Variants in SEMA3D observed in about 807,000 individuals in gnomAD.
SEMA3D encodes semaphorin-3D.
In SEMA3D, 84 loss-of-function variants were observed where a neutral mutation model predicts 100.1. The observed-to-expected ratio is 0.84, with a 90% CI of 0.70 to 1.01. The LOEUF (loss-of-function observed/expected upper bound fraction) is 1.01. Ranked by LOEUF, SEMA3D falls within the 50% of genes least tolerant of loss-of-function variation. SEMA3D has a pLI of 0.00. For missense variants in SEMA3D, 875 were observed against 934.1 expected, an observed-to-expected ratio of 0.94 and a Z score of 0.82; for synonymous variants, 312 against 320.7, an observed-to-expected ratio of 0.97 and a Z score of 0.29.
chr7:85,148,948 T>C (rs1489654887), intron 2 of SEMA3D, among the ~76,000 whole-genome samples: 1 of 152,076 alleles, frequency 6.6e-6, no homozygotes, highest in Non-Finnish European at 1.5e-5. Context: ...TAAATTTTTT[T>C]AGAACTTTAG....
At chr7:85,110,013 T>C (rs372277117) in intron 3 of SEMA3D, among the ~76,000 whole-genome samples, 1 of 151,974 alleles carries the variant, frequency 6.6e-6, no homozygotes, top group African/African-American at 2.4e-5. Context: ...TATTTCCACA[T>C]TTATGCAAAA....
At chr7:85,049,407 C>T (rs1218451627) in intron 9 of SEMA3D, among the ~76,000 whole-genome samples, 1 of 151,584 alleles carries the variant, frequency 6.6e-6, no homozygotes, top group South Asian at 2.1e-4. Context: ...TGGTGTAATA[C>T]ACTATCCTGA....
At chr7:85,016,770 G>A (rs1019797522) in intron 15 of SEMA3D, among the ~76,000 whole-genome samples, 3 of 141,924 alleles carry the variant, frequency 2.1e-5, no homozygotes, top group Non-Finnish European at 3.1e-5. Flanking sequence ...TTGTTTGTTT[G>A]TTTTCCTTTT....
At chr7:85,029,677 C>T (rs114040862) in intron 12 of SEMA3D, 1 of 379,818 alleles carries the variant, frequency 2.6e-6, no homozygotes, top group South Asian at 2.2e-5. Context: ...CAGGGCCCAC[C>T]ACTGAAGAGG....
In SEMA3D at chr7:85,082,290, C is replaced by A. The variant is rs577130162; in HGVS notation, c.313-711G>T. ...GGGGGGTCTCAACCATTACATAAGTCAAGGGCTCCAAACTCATTGGTTGAT... is the reference window on the plus strand; with the variant it reads ...GGGGGGTCTCAACCATTACATAAGTAAAGGGCTCCAAACTCATTGGTTGAT... On this transcript the variant is annotated intron_variant, in intron 4 of 18. Coordinates refer to ENST00000284136, the MANE Select transcript of SEMA3D (RefSeq NM_001384900.1). Among the ~76,000 whole-genome samples the A allele has an allele frequency of 2.0e-5, 3 of 152,306 alleles. No individual in the cohort carries two copies. The South Asian group carries it at 6.2e-4, about 32-fold the overall frequency.
At chr7:85,094,127 AAGAG>A (rs1230924407) in intron 4 of SEMA3D, among the ~76,000 whole-genome samples, 1 of 152,000 alleles carries the variant, frequency 6.6e-6, no homozygotes, top group South Asian at 2.1e-4. Context: ...GTAAAGGAGA[AAGAG>A]AGGGTGGGGA....
intron 12 of SEMA3D, among the ~76,000 whole-genome samples, chr7:85,033,858 T>TACACACACACACACACACATACACACAC (rs1790614726): frequency 9.2e-5 from 13 of 141,092 alleles, no homozygotes; most frequent in African/African-American, 3.4e-4. Context: ...ATCACACACA[T>TACACACACACACACACACATACACACAC]ACACACACAC....
intron 12 of SEMA3D, among the ~76,000 whole-genome samples, chr7:85,027,151 G>A (rs568608296): frequency 2.6e-5 from 4 of 152,096 alleles, no homozygotes; most frequent in East Asian, 1.9e-4. Context: ...TTCTACAACC[G>A]AACGGTATGC....
At chr7:85,049,793 G>T (rs73179840) in intron 9 of SEMA3D, among the ~76,000 whole-genome samples, 1 of 151,848 alleles carries the variant, frequency 6.6e-6, no homozygotes, top group Non-Finnish European at 1.5e-5. Context: ...TTGAAGCAAA[G>T]GGCTATTAAT....
At chr7:85,127,934 A>C (rs1156932647) in intron 2 of SEMA3D, among the ~76,000 whole-genome samples, 2 of 152,086 alleles carry the variant, frequency 1.3e-5, no homozygotes, top group African/African-American at 2.4e-5. Context: ...CATTTTGTCA[A>C]CTTTTAATGT....
At chr7:85,236,335 T>C in the SEMA3D span, among the ~76,000 whole-genome samples, 2 of 149,672 alleles carry the variant, frequency 1.3e-5, no homozygotes, top group Non-Finnish European at 2.9e-5. Flanking sequence ...AGAGATGGGG[T>C]CTTGCTCTGT....
the SEMA3D span, among the ~76,000 whole-genome samples, chr7:85,223,668 A>T: frequency 6.6e-6 from 1 of 152,104 alleles, no homozygotes; most frequent in Non-Finnish European, 1.5e-5. Context: ...TCATAACTGG[A>T]AAACCAAACA....
chr7:85,200,634 T>C, the SEMA3D span, among the ~76,000 whole-genome samples: 2 of 152,094 alleles, frequency 1.3e-5, no homozygotes, highest in Admixed American at 6.5e-5. Flanking sequence ...GAAAAGAAAA[T>C]CCAATTTTCT....
At chr7:85,071,525 C>T (rs143128860) in intron 6 of SEMA3D, among the ~76,000 whole-genome samples, 16 of 152,312 alleles carry the variant, frequency 1.1e-4, no homozygotes, top group African/African-American at 3.4e-4. Flanking sequence ...AAAGTACAGT[C>T]ATGCATCACT....
At chr7:85,235,290 G>A in the SEMA3D span, among the ~76,000 whole-genome samples, 949 of 152,110 alleles carry the variant, frequency 6.2e-3, 12 homozygotes, top group African/African-American at 0.022. Context: ...AACAATTCTT[G>A]TCTAACAGAA....
Position 85,046,087 on chromosome 7 carries a change from AC to A in SEMA3D, c.862-3803del, listed in dbSNP as rs1427063032. Among the ~76,000 whole-genome samples the A allele has an allele frequency of 2.6e-5, 4 of 152,122 alleles. No homozygotes were observed. The East Asian group carries it at 7.7e-4, about 29-fold the overall frequency. ...AATGCCAGAGACTAAAGTTTGTCTT[AC>A]CCATCACAGAATATATGCTGAAATT... On this transcript the variant is annotated intron_variant, in intron 9 of 18. Coordinates refer to ENST00000284136, the MANE Select transcript of SEMA3D (RefSeq NM_001384900.1).
At chr7:85,191,568 A>G (rs904214870), upstream of SEMA3D, among the ~76,000 whole-genome samples, 7 of 152,252 alleles carry the variant, frequency 4.6e-5, no homozygotes, top group African/African-American at 1.7e-4. Context: ...ATAAAGAAAA[A>G]TATGCCCTCT....
chr7:85,043,500 C>T (rs528310206), intron 9 of SEMA3D, among the ~76,000 whole-genome samples: 90 of 152,186 alleles, frequency 5.9e-4, no homozygotes, highest in African/African-American at 2.0e-3. Flanking sequence ...ATCAATTACA[C>T]GATAAACAGA....
At chr7:85,103,274 A>G (rs1363189070) in intron 3 of SEMA3D, among the ~76,000 whole-genome samples, 2 of 152,060 alleles carry the variant, frequency 1.3e-5, no homozygotes, top group African/African-American at 2.4e-5. Context: ...GATTTCATAA[A>G]TCAGAAATGG....
Sources: gnomAD v4.1 joint callset for allele counts (sites outside exome capture counted in the v4.1 genomes callset) on GRCh38, gnomAD v4.1.1 for gene constraint, MANE v1.5 for transcripts, NCBI Gene and HGNC (gene_info 2026-07-23, HGNC 2026-07-21) for gene names.